KRT15: variants seen among roughly 807,000 people sequenced by gnomAD.
KRT15 encodes keratin, type I cytoskeletal 15.
In KRT15, 45 loss-of-function variants were observed where a neutral mutation model predicts 46.6. The ratio of observed to expected loss-of-function variants is 0.97; its 90% CI spans 0.76 to 1.24. KRT15 has a LOEUF of 1.24. KRT15 is among the 50% of genes most tolerant of loss of function. The pLI, the probability that KRT15 is intolerant of heterozygous loss-of-function variation, is 0.00. For synonymous variants in KRT15, 221 were observed against 233.8 expected (o/e 0.95, Z 0.50); for missense variants, 592 against 588.9 (o/e 1.01, Z -0.05).
At position 41,516,222 on chromosome 17, in the gene KRT15, A is replaced by C. The variant is rs1186512233; in HGVS notation, c.782T>G (p.Val261Gly). The C allele has an allele frequency of 6.2e-7, 1 of 1,614,024 alleles. No individual in the cohort carries two copies. Among genetic ancestry groups the C allele is most frequent in the South Asian group, 1.1e-5 (1 of 91,076 alleles). Reference protein sequence around the residue: ...FSSQLAGQVNVEMDAAPGVDL... With the variant: ...FSSQLAGQVNGEMDAAPGVDL... ...CACACCCGGTGCTGCGTCCATCTCC[A>C]CATTGACCTGGCCGGCCAGCTGGCT... Residue 261 changes from valine to glycine, a missense_variant, in exon 4 of 8, where the codon GTG becomes GGG. Val to Gly is a moderately radical substitution (Grantham distance 109). Coordinates refer to ENST00000254043, the MANE Select transcript of KRT15 (RefSeq NM_002275.4).
In KRT15 at chr17:41,518,599, A is replaced by G. The variant is rs1905522196; in HGVS notation, c.229T>C (p.Phe77Leu). The G allele has an allele frequency of 1.2e-6, 2 of 1,605,576 alleles. No homozygotes were observed. ...CGFGGGAGSVFGGGFGGGVGG... is the reference protein window; with the variant it reads ...CGFGGGAGSVLGGGFGGGVGG... ...ACGCCCCCTCCAAAGCCTCCACCGA[A>G]AACACTACCAGCCCCTCCACCAAAG... The change falls in exon 1 of 8, where the codon TTC becomes CTC. Residue 77 changes from phenylalanine to leucine, a missense_variant. Transcript: ENST00000254043.
At chr17:41,517,574 G>A in intron 1 of KRT15, 1 of 231,672 alleles carries the variant, frequency 4.3e-6, no homozygotes, top group Non-Finnish European at 8.6e-6. Context: ...CTTGGACACA[G>A]CCATGGATCT....
chr17:41,518,883 G>T lies in KRT15; in HGVS notation c.-56C>A. ...GCAAACCCAAGAGATGCTGGCAGGA[G>T]GTACCAGGCCAGGCTGCACGCTGGG... On this transcript the variant is annotated 5_prime_UTR_variant, in exon 1 of 8. Transcript: ENST00000254043. 6.6e-7 allele frequency: 1 copy of T among 1,516,604 alleles called. No individual in the cohort carries two copies. The allele number at this position is 1,516,604 out of a possible 1,614,324, so 93.9% of individuals were successfully genotyped here.
chr17:41,515,607 A>T lies in KRT15; in HGVS notation c.1112T>A (p.Leu371Gln). The T allele has an allele frequency of 6.2e-7, 1 of 1,614,168 alleles. No individual in the cohort carries two copies. Among genetic ancestry groups the T allele is most frequent in the South Asian group, 1.1e-5 (1 of 91,084 alleles). Residue 371 changes from leucine (L) to glutamine (Q), a missense_variant, in exon 6 of 8, where the codon CTG (leucine) becomes CAG (glutamine). Transcript: ENST00000254043. ...LQQIQGLIGG[L>Q]EAQLSELRCE... ...TCGGAGCTCACTCAGCTGGGCCTCC[A>T]GGCCACCAATGAGCCCCTGGATCTG...
chr17:41,516,356 T>A (rs1417455255), intron 3 of KRT15, 91 bp from the exon 4 acceptor site: 4 of 1,363,042 alleles, frequency 2.9e-6, no homozygotes, highest in Non-Finnish European at 2.0e-6. Flanking sequence ...GCTCTGCCCG[T>A]AACACACCCC....
Position 41,517,101 on chromosome 17 carries a change from G to A in KRT15, c.563C>T (p.Ala188Val), listed in dbSNP as rs754167048. 65 of 1,614,078 alleles carry A rather than the reference G, an allele frequency of 4.0e-5. No homozygotes were observed. The highest frequency in any genetic ancestry group is 2.2e-4 in the Admixed American group (13 of 60,010). The change falls in exon 2 of 8, where the codon GCG becomes GTG. Residue 188 changes from alanine (A) to valine (V), a missense_variant. Coordinates refer to ENST00000254043, the MANE Select transcript of KRT15 (RefSeq NM_002275.4). ...ILEIDNARLA[A>V]DDFRLKYENE... ...AGCGCACTTGAGCCTGAAGTCGTCC[G>A]CAGCCAGCCTGGCATTGTCGATCTC...
chr17:41,516,171 A>G lies in KRT15; in HGVS notation c.833T>C (p.Met278Thr). The change falls in exon 4 of 8, where the codon ATG (methionine) becomes ACG (threonine). Residue 278 changes from methionine to threonine, a missense_variant. By Grantham distance (81) the Met-to-Thr change is moderately conservative (BLOSUM62 -1). Transcript: ENST00000254043. ...CGCCATGGCCTCGTACTGCTCCCTC[A>G]TCTCTGCCAGCACACGGGTCAGGTC... ...GVDLTRVLAEMREQYEAMAEK... is the reference protein window; with the variant it reads ...GVDLTRVLAETREQYEAMAEK... 1 of 1,613,974 alleles carries G rather than the reference A, an allele frequency of 6.2e-7. No homozygotes were observed. The highest frequency in any genetic ancestry group is 8.5e-7 in the Non-Finnish European group (1 of 1,179,998).
intron 1 of KRT15, 110 bp from the exon 2 acceptor site, chr17:41,517,275 C>T (rs1905432641): frequency 1.1e-6 from 1 of 901,710 alleles, no homozygotes; most frequent in Admixed American, 2.1e-5. Flanking sequence ...CTGACAATCA[C>T]CCCTCTGACA....
chr17:41,518,268 A>C, intron 1 of KRT15, 62 bp downstream of exon 1: 1 of 1,533,700 alleles, frequency 6.5e-7, no homozygotes, highest in African/African-American at 1.4e-5. Context: ...TAACACTGAC[A>C]TTAGAGCTGT....
chr17:41,516,705 G>T, intron 3 of KRT15, 103 bp downstream of exon 3: 2 of 1,365,152 alleles, frequency 1.5e-6, no homozygotes, highest in Non-Finnish European at 2.0e-6. Context: ...ATCTGGGAGG[G>T]CTTCCTGGAG....
chr17:41,514,946 A>C, intron 6 of KRT15: 1 of 364,232 alleles, frequency 2.7e-6, no homozygotes, highest in Non-Finnish European at 5.0e-6. Context: ...AGCCCACTGA[A>C]ACCTCCGCCT....
In KRT15 at chr17:41,515,922, T is replaced by C. The variant is rs1383503098; in HGVS notation, c.989A>G (p.Gln330Arg). The change falls in exon 5 of 8, where the codon CAG becomes CGG. Residue 330 changes from glutamine (Q) to arginine (R), a missense_variant. Coordinates refer to ENST00000254043, the MANE Select transcript of KRT15 (RefSeq NM_002275.4). ...GGACTGCAGCTCGATCTCCAGCTCC[T>C]GCATCGTGCGTCTCAGGTCTGTGAT... ...TEITDLRRTM[Q>R]ELEIELQSQL... 10 of 1,614,164 alleles carry C rather than the reference T, an allele frequency of 6.2e-6. No homozygotes were observed. The highest frequency in any genetic ancestry group is 8.5e-6 in the Non-Finnish European group (10 of 1,180,014).
rs933543115 is a variant in KRT15, at chr17:41,513,823, T to A, written c.*200A>T. On this transcript the variant is annotated 3_prime_UTR_variant, in exon 8 of 8. Coordinates refer to ENST00000254043, the MANE Select transcript of KRT15 (RefSeq NM_002275.4). The stretch of plus-strand genomic sequence containing the variant: ...GAGCTTGTTACACAATACAGCTGCA[T>A]CTCCTTGCTCCAAAGAAGGTGGGGA... The A allele has an allele frequency of 1.7e-6, 1 of 577,348 alleles. No homozygotes were observed. The highest frequency in any genetic ancestry group is 3.1e-6 in the Non-Finnish European group (1 of 319,740). The allele number at this position is 577,348 out of a possible 1,614,324, so 35.8% of individuals were successfully genotyped here.
chr17:41,515,743 G>C, intron 5 of KRT15, 51 bp from the exon 6 acceptor site: 1 of 1,601,398 alleles, frequency 6.2e-7, no homozygotes, highest in Non-Finnish European at 8.5e-7. Context: ...GGAAGCCACT[G>C]AGGGCAAGCA....
chr17:41,515,843 T>C (rs374991384), intron 5 of KRT15, 42 bp downstream of exon 5: 1 of 1,613,400 alleles, frequency 6.2e-7, no homozygotes, highest in African/African-American at 1.3e-5. Flanking sequence ...AGTGGGAGCT[T>C]CTACCACCCG....
At chr17:41,515,760 G>A in intron 5 of KRT15, 68 bp from the exon 6 acceptor site, 1 of 1,595,106 alleles carries the variant, frequency 6.3e-7, no homozygotes. Context: ...AGCAGGGAGG[G>A]GGCACTGAAT....
intron 5 of KRT15, 32 bp downstream of exon 5, chr17:41,515,853 G>T: frequency 6.2e-7 from 1 of 1,613,792 alleles, no homozygotes. Flanking sequence ...TCTACCACCC[G>T]AGAGGCTGGG....
chr17:41,514,152 G>C, intron 7 of KRT15, 32 bp from the exon 8 acceptor site: 1 of 1,562,084 alleles, frequency 6.4e-7, no homozygotes, highest in East Asian at 2.2e-5. Context: ...TTTAGAGTGG[G>C]GGAACCTCCC....
rs146745077 is a variant in KRT15, at chr17:41,518,532, C to T, written c.296G>A (p.Gly99Asp). The part of the protein sequence containing the change: ...FGGGFGGGDG[G>D]LLSGNEKITM... ...AATTTTCTCATTGCCAGAGAGGAGACCACCATCGCCACCACCAAAGCCACC... is the reference window on the plus strand; with the variant it reads ...AATTTTCTCATTGCCAGAGAGGAGATCACCATCGCCACCACCAAAGCCACC... The change falls in exon 1 of 8, where the codon GGT becomes GAT. Residue 99 changes from glycine (G) to aspartate (D), a missense_variant. By Grantham distance (94) the Gly-to-Asp change is moderately conservative. Coordinates refer to ENST00000254043, the MANE Select transcript of KRT15 (RefSeq NM_002275.4). 8.4e-5 allele frequency: 135 copies of T among 1,614,032 alleles called. No homozygotes were observed. The African/African-American group carries it at 1.7e-3, about 20-fold the overall frequency.
Sources: allele counts gnomAD v4.1 joint callset, GRCh38; gene constraint gnomAD v4.1.1; transcripts MANE v1.5; gene names NCBI Gene and HGNC (gene_info 2026-07-23, HGNC 2026-07-21).